Variants in CLEC16A observed in about 807,000 individuals in gnomAD.
The protein encoded by CLEC16A is protein CLEC16A.
Under a neutral mutation model 109.5 loss-of-function variants are expected in CLEC16A, and 51 were observed. The ratio of observed to expected loss-of-function variants is 0.47; its 90% CI spans 0.37 to 0.59. CLEC16A has a LOEUF of 0.59. Ranked by LOEUF, CLEC16A falls within the 20% of genes least tolerant of loss-of-function variation. The probability of loss-of-function intolerance (pLI) is 0.00; values close to 1 mark genes in which losing one functional copy is unlikely to be tolerated. For missense variants in CLEC16A, 1,339 were observed against 1,394.0 expected, an observed-to-expected ratio of 0.96 and a Z score of 0.63; for synonymous variants, 673 against 564.2, an observed-to-expected ratio of 1.19 and a Z score of -2.73.
At chr16:11,138,055 T>C (rs2053652131) in intron 22 of CLEC16A, among the ~76,000 whole-genome samples, 1 of 151,986 alleles carries the variant, frequency 6.6e-6, no homozygotes, top group Non-Finnish European at 1.5e-5. Context: ...GACCGCCTGG[T>C]GGAGAAGAAT....
At chr16:11,135,114 G>A (rs531059848) in intron 22 of CLEC16A, among the ~76,000 whole-genome samples, 26 of 152,346 alleles carry the variant, frequency 1.7e-4, no homozygotes, top group African/African-American at 5.8e-4. Flanking sequence ...CTGAACAAAA[G>A]CAGCAGGATT....
chr16:11,127,925 T>C (rs1416270041), intron 22 of CLEC16A, among the ~76,000 whole-genome samples: 4 of 152,204 alleles, frequency 2.6e-5, no homozygotes, highest in Non-Finnish European at 5.9e-5. Flanking sequence ...GCACCGCCTG[T>C]TTTCAGTGAT....
rs2042060215 is a variant in CLEC16A, at chr16:10,957,766, C to T, written c.81-16C>T. The T allele has an allele frequency of 6.2e-7, 1 of 1,613,444 alleles. No homozygotes were observed. The highest frequency in any genetic ancestry group is 2.2e-5 in the East Asian group (1 of 44,870). On this transcript the variant is annotated splice_polypyrimidine_tract_variant and intron_variant, in intron 1 of 23. Transcript: ENST00000409790. ...AGTTGGTAACCTTTAATTTCCTTTT[C>T]TCTCATTTCTCTCAGGTATCTGTAC...
intron 18 of CLEC16A, among the ~76,000 whole-genome samples, chr16:11,052,750 G>A (rs752333678): frequency 1.6e-4 from 24 of 152,284 alleles, no homozygotes; most frequent in African/African-American, 4.8e-4. Context: ...TGATGCTGAC[G>A]TGCTCACCCC....
At chr16:10,986,655 T>C (rs2043676551) in intron 10 of CLEC16A, among the ~76,000 whole-genome samples, 1 of 152,066 alleles carries the variant, frequency 6.6e-6, no homozygotes, top group African/African-American at 2.4e-5. Context: ...TGTCACTGGC[T>C]CATTTCACTT....
At chr16:11,038,043 T>C (rs938084307) in intron 13 of CLEC16A, among the ~76,000 whole-genome samples, 3 of 152,198 alleles carry the variant, frequency 2.0e-5, no homozygotes, top group African/African-American at 4.8e-5. Context: ...GTGGGGCGTT[T>C]TGGGGCATGA....
chr16:11,028,239 C>G (rs1012100595), intron 13 of CLEC16A, among the ~76,000 whole-genome samples: 4 of 152,318 alleles, frequency 2.6e-5, no homozygotes, highest in African/African-American at 9.6e-5. Context: ...ATGTCAAGCA[C>G]CTCTCATCAG....
Position 10,972,641 on chromosome 16 carries a change from A to G in CLEC16A, c.604+82A>G. 4.6e-6 allele frequency: 6 copies of G among 1,298,152 alleles called. No homozygotes were observed. In the South Asian group the frequency reaches 7.4e-5, roughly 16 times the overall value. The allele number at this position is 1,298,152 out of a possible 1,614,324, so 80.4% of individuals were successfully genotyped here. A position where few individuals can be genotyped will look rare whatever the true frequency, so the allele number is the denominator to read the frequency against. ...CTTGCTTGAGAATGGTGTAATTCTC[A>G]GTGTAGTCTAGCTCAGTCTGCTACT... is the stretch of plus-strand genomic sequence containing the variant. On this transcript the variant is annotated intron_variant, in intron 6 of 23. Coordinates refer to ENST00000409790, the MANE Select transcript of CLEC16A (RefSeq NM_015226.3).
chr16:11,019,124 G>A (rs1200466181), intron 11 of CLEC16A, among the ~76,000 whole-genome samples: 2 of 152,156 alleles, frequency 1.3e-5, no homozygotes, highest in Admixed American at 1.3e-4. Flanking sequence ...TTCACATTTT[G>A]TCATCTCTTT....
intron 21 of CLEC16A, among the ~76,000 whole-genome samples, chr16:11,124,467 G>A (rs993855349): frequency 6.6e-6 from 1 of 152,186 alleles, no homozygotes; most frequent in African/African-American, 2.4e-5. Flanking sequence ...CTTGGTGAAA[G>A]GCTGGAACCC....
intron 22 of CLEC16A, among the ~76,000 whole-genome samples, chr16:11,138,673 A>G (rs2053681312): frequency 6.6e-6 from 1 of 152,194 alleles, no homozygotes; most frequent in South Asian, 2.1e-4. Context: ...TACTTGTACT[A>G]TAGGATTATA....
In CLEC16A at chr16:11,166,748, T is replaced by G. The variant is rs190485795; in HGVS notation, c.2806+196T>G. ...CTCCCAGGCTGGGTCAGCTCCCAGA[T>G]GGGGAAGAATTGCTCCTTTTTCAGG... On this transcript the variant is annotated intron_variant, in intron 23 of 23. Coordinates refer to ENST00000409790, the MANE Select transcript of CLEC16A (RefSeq NM_015226.3). Among the ~76,000 whole-genome samples, 382 of 152,284 alleles carry G rather than the reference T, an allele frequency of 2.5e-3. 1 individual carries two copies. Among genetic ancestry groups the G allele is most frequent in the African/African-American group, 8.5e-3 (354 of 41,570 alleles).
chr16:11,023,455 C>A (rs2046235710), intron 12 of CLEC16A, among the ~76,000 whole-genome samples: 1 of 152,106 alleles, frequency 6.6e-6, no homozygotes, highest in Non-Finnish European at 1.5e-5. Flanking sequence ...CTACACATGG[C>A]AAAACTATTA....
chr16:11,080,374 C>A (rs1018524077), intron 19 of CLEC16A, among the ~76,000 whole-genome samples: 3 of 152,304 alleles, frequency 2.0e-5, no homozygotes, highest in Admixed American at 1.3e-4. Context: ...TGCTTCTGGG[C>A]GTCCGAGCCT....
chr16:10,958,028 G>T, intron 2 of CLEC16A, 118 bp downstream of exon 2: 18 of 913,728 alleles, frequency 2.0e-5, no homozygotes, highest in Admixed American at 4.8e-5. Flanking sequence ...ATCTTGCCTA[G>T]ATATCTATCT....
At chr16:11,135,380 C>T (rs1317222470) in intron 22 of CLEC16A, among the ~76,000 whole-genome samples, 1 of 152,220 alleles carries the variant, frequency 6.6e-6, no homozygotes, top group Non-Finnish European at 1.5e-5. Context: ...TTTCCCCACT[C>T]ACAACATGCC....
At chr16:10,989,945 G>C (rs1363208961) in intron 10 of CLEC16A, among the ~76,000 whole-genome samples, 1 of 152,162 alleles carries the variant, frequency 6.6e-6, no homozygotes, top group East Asian at 1.9e-4. Flanking sequence ...CATCAGGCAG[G>C]ATAGCACCCC....
chr16:11,123,542 C>G (rs1404200234), intron 20 of CLEC16A, among the ~76,000 whole-genome samples, 200 bp from the exon 21 acceptor site: 2 of 152,198 alleles, frequency 1.3e-5, no homozygotes, highest in African/African-American at 4.8e-5. Flanking sequence ...TGTGCCTCCT[C>G]CCACACTGTC....
intron 12 of CLEC16A, chr16:11,024,165 G>A (rs977386711): frequency 7.2e-5 from 11 of 152,190 alleles, no homozygotes; most frequent in African/African-American, 2.7e-4. Flanking sequence ...AAATCAAATA[G>A]CAGCTCCCAT....
Sources: allele counts gnomAD v4.1 joint callset (sites outside exome capture counted in the v4.1 genomes callset), GRCh38; gene constraint gnomAD v4.1.1; transcripts MANE v1.5; gene names NCBI Gene and HGNC (gene_info 2026-07-23, HGNC 2026-07-21).